CSMD1: variants seen among roughly 807,000 people sequenced by gnomAD.
The protein encoded by CSMD1 is CUB and Sushi multiple domains 1.
Under a neutral mutation model 417.5 loss-of-function variants are expected in CSMD1, and 213 were observed. The observed-to-expected ratio is 0.51, with a 90% confidence interval of 0.46 to 0.57. The LOEUF is 0.57. CSMD1 is among the 20% of genes least tolerant of loss of function. CSMD1 has a pLI of 0.00. For synonymous variants in CSMD1, 2,862 were observed against 1,736.8 expected (o/e 1.65, Z -16.11); for missense variants, 6,923 against 4,529.7 (o/e 1.53, Z -15.17).
intron 39 of CSMD1, among the ~76,000 whole-genome samples, chr8:3,153,421 G>A (rs922537466): frequency 5.3e-5 from 8 of 152,042 alleles, no homozygotes; most frequent in South Asian, 2.1e-4. Context: ...TTTACTCTAC[G>A]GATTCGTCCT....
intron 2 of CSMD1, among the ~76,000 whole-genome samples, chr8:4,576,503 G>A (rs1467792872): frequency 6.6e-6 from 1 of 152,130 alleles, no homozygotes; most frequent in Non-Finnish European, 1.5e-5. Flanking sequence ...TTTCTAATAA[G>A]TAACTCTCTC....
chr8:3,956,556 A>G (rs1283275438), intron 5 of CSMD1, among the ~76,000 whole-genome samples: 1 of 152,228 alleles, frequency 6.6e-6, no homozygotes, highest in Non-Finnish European at 1.5e-5. Flanking sequence ...TTTATCAAAT[A>G]CTTAATATGT....
chr8:3,953,285 A>G (rs1811709055), intron 5 of CSMD1, among the ~76,000 whole-genome samples: 1 of 152,174 alleles, frequency 6.6e-6, no homozygotes, highest in African/African-American at 2.4e-5. Flanking sequence ...AGAGAATTCA[A>G]CTCAGAAATT....
intron 42 of CSMD1, among the ~76,000 whole-genome samples, chr8:3,111,949 T>G (rs1308550980): frequency 6.6e-6 from 1 of 152,036 alleles, no homozygotes; most frequent in African/African-American, 2.4e-5. Flanking sequence ...GTTCACATGC[T>G]TTTCTTCTAT....
chr8:3,347,447 TCTC>T (rs1808089491), intron 22 of CSMD1, among the ~76,000 whole-genome samples: 1 of 152,210 alleles, frequency 6.6e-6, no homozygotes, highest in South Asian at 2.1e-4. Flanking sequence ...TGGCTTGGCT[TCTC>T]CTCATCAGCC....
intron 3 of CSMD1, among the ~76,000 whole-genome samples, chr8:4,364,233 A>C (rs570892316): frequency 2.0e-5 from 3 of 152,244 alleles, no homozygotes; most frequent in Non-Finnish European, 4.4e-5. Flanking sequence ...GTTAATTAAC[A>C]TTAAAAATGC....
chr8:3,872,471 G>A (rs567008442), intron 5 of CSMD1, among the ~76,000 whole-genome samples: 2 of 152,284 alleles, frequency 1.3e-5, no homozygotes, highest in African/African-American at 4.8e-5. Context: ...AAAGCTGTGG[G>A]ACAAGGCAGG....
chr8:2,999,961 C>T lies in CSMD1; in HGVS notation c.8200G>A (p.Val2734Ile), dbSNP rs759966156. Residue 2734 changes from valine (V) to isoleucine (I), a missense_variant, in exon 53 of 70, where the codon GTC (valine) becomes ATC (isoleucine). By Grantham distance (29) the Val-to-Ile change is conservative. Coordinates refer to ENST00000635120, the MANE Select transcript of CSMD1 (RefSeq NM_033225.6). ...HKWSGQTPVC[V>I]PITCGHPGNP... ...CGTCCACAAAGAGTGCACTTACGGA[C>T]ACAGACAGGCGTTTGTCCAGACCAC... 6.2e-7 allele frequency: 1 copy of T among 1,607,476 alleles called. No individual in the cohort carries two copies. The highest frequency in any genetic ancestry group is 8.5e-7 in the Non-Finnish European group (1 of 1,177,802).
chr8:3,972,802 T>C (rs1288306650), intron 5 of CSMD1, among the ~76,000 whole-genome samples: 2 of 152,228 alleles, frequency 1.3e-5, no homozygotes, highest in African/African-American at 2.4e-5. Flanking sequence ...ATCTATTTTA[T>C]GGGAATAATT....
At chr8:3,809,712 A>C (rs1405030884) in intron 5 of CSMD1, among the ~76,000 whole-genome samples, 1 of 152,148 alleles carries the variant, frequency 6.6e-6, no homozygotes, top group African/African-American at 2.4e-5. Flanking sequence ...CACTGCCACG[A>C]ATCTATAGGT....
At chr8:3,732,379 A>G (rs935684576) in intron 6 of CSMD1, among the ~76,000 whole-genome samples, 2 of 152,184 alleles carry the variant, frequency 1.3e-5, no homozygotes, top group African/African-American at 4.8e-5. Flanking sequence ...TTTATTGTCA[A>G]GGACTTTTTC....
intron 2 of CSMD1, among the ~76,000 whole-genome samples, chr8:4,550,550 T>C (rs1433171594): frequency 1.3e-5 from 2 of 152,160 alleles, no homozygotes; most frequent in African/African-American, 2.4e-5. Flanking sequence ...CAGGATAAAG[T>C]TTATTTTTTG....
chr8:3,097,588 G>C (rs1197506286), intron 46 of CSMD1, among the ~76,000 whole-genome samples: 1 of 152,162 alleles, frequency 6.6e-6, no homozygotes, highest in African/African-American at 2.4e-5. Context: ...ACAAAGCTGG[G>C]ATTCATGTCC....
chr8:4,161,984 G>C (rs1797200343), intron 3 of CSMD1, among the ~76,000 whole-genome samples: 1 of 152,090 alleles, frequency 6.6e-6, no homozygotes, highest in Admixed American at 6.5e-5. Context: ...TCTTTATGGT[G>C]GCATTGTGCC....
chr8:4,886,604 AG>A (rs1803756291), intron 1 of CSMD1, among the ~76,000 whole-genome samples: 1 of 151,924 alleles, frequency 6.6e-6, no homozygotes, highest in Admixed American at 6.5e-5. Flanking sequence ...CATATAATTC[AG>A]CAGTAAAACT....
In CSMD1 at chr8:3,275,240, A is replaced by G. The variant is rs139832936; in HGVS notation, c.4153+8904T>C. Among the ~76,000 whole-genome samples the G allele has an allele frequency of 5.4e-3, 823 of 152,282 alleles. 5 individuals are homozygous for G. The highest frequency in any genetic ancestry group is 9.2e-3 in the Non-Finnish European group (628 of 68,032). ...TGGGTTGAAAATTCTTTTCTTTAAG[A>G]ATGTTGAATATTGGCCACCGCTCTC... is the stretch of plus-strand genomic sequence containing the variant. On this transcript the variant is annotated intron_variant, in intron 26 of 69. Transcript: ENST00000635120.
chr8:4,737,251 T>G (rs1469693038), intron 1 of CSMD1, among the ~76,000 whole-genome samples: 1 of 151,976 alleles, frequency 6.6e-6, no homozygotes, highest in South Asian at 2.1e-4. Flanking sequence ...AACCAAATAG[T>G]GCACGTTCTC....
chr8:3,880,631 A>T lies in CSMD1; in HGVS notation c.818+117272T>A, dbSNP rs578215938. 2.8e-3 allele frequency among the ~76,000 whole-genome samples: 427 copies of T among 152,368 alleles called. 2 individuals are homozygous for T. Among genetic ancestry groups the T allele is most frequent in the Non-Finnish European group, 4.4e-3 (301 of 68,036 alleles). On this transcript the variant is annotated intron_variant, in intron 5 of 69. Coordinates refer to ENST00000635120, the MANE Select transcript of CSMD1 (RefSeq NM_033225.6). ...GGATTCTCCATTTTAAATCTAGGAC[A>T]TACATGTTTCTTAACCTTTCCTGTA...
intron 7 of CSMD1, among the ~76,000 whole-genome samples, chr8:3,619,056 T>A (rs112962608): frequency 4.6e-5 from 7 of 151,936 alleles, no homozygotes; most frequent in African/African-American, 1.7e-4. Context: ...TGCAGCAAGA[T>A]TGCAAACCCA....
Sources: gnomAD v4.1 joint callset for allele counts (sites outside exome capture counted in the v4.1 genomes callset) on GRCh38, gnomAD v4.1.1 for gene constraint, MANE v1.5 for transcripts, NCBI Gene and HGNC (gene_info 2026-07-23, HGNC 2026-07-21) for gene names.